Variants in EBF1 observed in about 807,000 individuals in gnomAD.
The protein encoded by EBF1 is EBF transcription factor 1, also known as transcription factor COE1.
EBF1 carries 10 observed loss-of-function variants against 68.4 expected under a neutral mutation model. That is an observed-to-expected ratio of 0.15 (90% CI 0.09 to 0.25). The LOEUF is 0.25. Ranked by LOEUF, EBF1 falls within the 10% of genes least tolerant of loss-of-function variation. The pLI, the probability that EBF1 is intolerant of heterozygous loss-of-function variation, is 1.00. For missense variants in EBF1, 509 were observed against 794.4 expected, an observed-to-expected ratio of 0.64 and a Z score of 4.32; for synonymous variants, 298 against 299.8, an observed-to-expected ratio of 0.99 and a Z score of 0.06.
intron 10 of EBF1, among the ~76,000 whole-genome samples, chr5:158,755,562 T>C (rs1769893738): frequency 1.3e-5 from 2 of 152,182 alleles, no homozygotes; most frequent in South Asian, 2.1e-4. Flanking sequence ...AGGAAGTTCA[T>C]TTTATTTTCA....
At chr5:158,876,312 G>A (rs1562191050) in intron 6 of EBF1, among the ~76,000 whole-genome samples, 1 of 152,096 alleles carries the variant, frequency 6.6e-6, no homozygotes, top group Non-Finnish European at 1.5e-5. Flanking sequence ...TTAAGGATAC[G>A]AAAACTGAGG....
chr5:158,807,980 A>G (rs1781912565), intron 8 of EBF1, among the ~76,000 whole-genome samples: 1 of 152,082 alleles, frequency 6.6e-6, no homozygotes, highest in Non-Finnish European at 1.5e-5. Context: ...TCTCTCCACA[A>G]CCGAGGCTGC....
chr5:158,719,377 G>A (rs748179950), intron 11 of EBF1, among the ~76,000 whole-genome samples: 11 of 152,102 alleles, frequency 7.2e-5, no homozygotes, highest in Non-Finnish European at 1.3e-4. Flanking sequence ...TTAGGCCCTT[G>A]GAAATAGTTA....
At chr5:158,918,018 AAG>A (rs564355583) in intron 6 of EBF1, among the ~76,000 whole-genome samples, 1 of 152,124 alleles carries the variant, frequency 6.6e-6, no homozygotes, top group Non-Finnish European at 1.5e-5. Flanking sequence ...TTGAAGACAG[AAG>A]AGAGAGAGAA....
At chr5:158,753,391 C>T (rs530285499) in intron 10 of EBF1, among the ~76,000 whole-genome samples, 52 of 152,194 alleles carry the variant, frequency 3.4e-4, no homozygotes, top group Middle Eastern at 6.8e-3. Flanking sequence ...CAACAAAACA[C>T]AAGAATTTAT....
At chr5:158,950,708 C>T (rs1815773744) in intron 6 of EBF1, among the ~76,000 whole-genome samples, 1 of 152,162 alleles carries the variant, frequency 6.6e-6, no homozygotes, top group South Asian at 2.1e-4. Context: ...GTGGCGGGAA[C>T]CATCTGAAAT....
At chr5:158,760,715 G>A (rs370074961) in intron 10 of EBF1, among the ~76,000 whole-genome samples, 21 of 152,138 alleles carry the variant, frequency 1.4e-4, no homozygotes, top group Middle Eastern at 3.4e-3. Flanking sequence ...TAAAGGACTG[G>A]ATCAATACTC....
At chr5:158,822,316 A>ATG (rs1785048393) in intron 8 of EBF1, among the ~76,000 whole-genome samples, 1 of 141,862 alleles carries the variant, frequency 7.0e-6, no homozygotes, top group East Asian at 2.4e-4. Flanking sequence ...ATGGATGGAT[A>ATG]GATGGATAGA....
chr5:158,892,148 C>T (rs1801298749), intron 6 of EBF1, among the ~76,000 whole-genome samples: 1 of 152,154 alleles, frequency 6.6e-6, no homozygotes, highest in South Asian at 2.1e-4. Context: ...TTCTATTCAA[C>T]AATATTTTAC....
chr5:158,772,971 G>T (rs1233393756), intron 10 of EBF1, among the ~76,000 whole-genome samples: 1 of 152,062 alleles, frequency 6.6e-6, no homozygotes, highest in Admixed American at 6.6e-5. Context: ...ATCATATGAT[G>T]TCCCAAGGAT....
intron 6 of EBF1, among the ~76,000 whole-genome samples, chr5:158,995,501 T>G (rs908420510): frequency 3.3e-5 from 5 of 152,024 alleles, no homozygotes; most frequent in African/African-American, 7.2e-5. Flanking sequence ...GAGTCCTGAG[T>G]CTAAAAAGCT....
chr5:159,070,274 A>G (rs1042310412), intron 6 of EBF1, among the ~76,000 whole-genome samples: 2 of 152,178 alleles, frequency 1.3e-5, no homozygotes, highest in Admixed American at 1.3e-4. Flanking sequence ...CACTTCCTGC[A>G]TTTACAGCAA....
chr5:158,879,284 CAT>C (rs1446012647), intron 6 of EBF1, among the ~76,000 whole-genome samples: 8 of 152,150 alleles, frequency 5.3e-5, no homozygotes, highest in Admixed American at 2.0e-4. Flanking sequence ...AATGTGGCAA[CAT>C]ATGATTCTAC....
At chr5:158,783,702 G>T (rs533081712) in intron 9 of EBF1, among the ~76,000 whole-genome samples, 1 of 152,332 alleles carries the variant, frequency 6.6e-6, no homozygotes, top group East Asian at 1.9e-4. Flanking sequence ...GCCCACTGTG[G>T]CCTCTGGGTA....
intron 6 of EBF1, among the ~76,000 whole-genome samples, chr5:158,989,265 T>A (rs1759785828): frequency 6.6e-6 from 1 of 152,164 alleles, no homozygotes; most frequent in Non-Finnish European, 1.5e-5. Flanking sequence ...CTGCAAAGCC[T>A]CCTCTTCAAT....
chr5:158,754,484 TC>T, intron 10 of EBF1, among the ~76,000 whole-genome samples: 1 of 152,100 alleles, frequency 6.6e-6, no homozygotes, highest in East Asian at 1.9e-4. Flanking sequence ...AGCAAAATGC[TC>T]CAAAGCTTCA....
At chr5:158,777,890 C>T (rs1775620860) in intron 9 of EBF1, among the ~76,000 whole-genome samples, 1 of 152,130 alleles carries the variant, frequency 6.6e-6, no homozygotes, top group African/African-American at 2.4e-5. Context: ...TCTCCAGAAG[C>T]TGATGGGCCT....
intron 10 of EBF1, among the ~76,000 whole-genome samples, chr5:158,762,042 T>C (rs1186268744): frequency 6.6e-6 from 1 of 152,156 alleles, no homozygotes; most frequent in African/African-American, 2.4e-5. Context: ...GGCTAAAAGA[T>C]AGCAGGATAT....
At position 159,079,602 on chromosome 5, in the gene EBF1, CTTTTTTT is replaced by C. The variant is rs58461083; in HGVS notation, c.485+5057_485+5063del. Among the ~76,000 whole-genome samples the C allele has an allele frequency of 2.6e-5, 3 of 113,642 alleles. No individual in the cohort carries two copies. In the East Asian group the frequency reaches 7.5e-4, roughly 28 times the overall value. 74.6% of individuals were successfully genotyped at this position (113,642 alleles called of 152,430 possible). On this transcript the variant is annotated intron_variant, in intron 5 of 15. Coordinates refer to ENST00000313708, the MANE Select transcript of EBF1 (RefSeq NM_024007.5). ...CCTCTTTGAAACACCCTCCTTTTAT[CTTTTTTT>C]TTTTTTTTTTTTTTTGAGATGGTGT...
Sources: gnomAD v4.1 joint callset for allele counts (sites outside exome capture counted in the v4.1 genomes callset) on GRCh38, gnomAD v4.1.1 for gene constraint, MANE v1.5 for transcripts, NCBI Gene and HGNC (gene_info 2026-07-23, HGNC 2026-07-21) for gene names.